UBR4: variants seen among roughly 807,000 people sequenced by gnomAD.
UBR4 encodes the protein ubiquitin protein ligase E3 component n-recognin 4.
UBR4 carries 124 observed loss-of-function variants against 575.6 expected under a neutral mutation model. The observed-to-expected ratio is 0.22, with a 90% CI of 0.19 to 0.25. The LOEUF is 0.25. Among genes scored for constraint, UBR4 ranks in the 10% least tolerant of loss-of-function variants. UBR4 has a pLI of 1.00. For missense variants in UBR4, 4,818 were observed against 6,478.8 expected (o/e 0.74, Z 8.80); for synonymous variants, 2,455 against 2,473.7 (o/e 0.99, Z 0.22).
intron 102 of UBR4, among the ~76,000 whole-genome samples, chr1:19,083,540 T>C (rs1303624908): frequency 6.6e-6 from 1 of 151,810 alleles, no homozygotes; most frequent in African/African-American, 2.4e-5. Flanking sequence ...AATCTCCTAA[T>C]TTTTTTTTCT....
intron 54 of UBR4, 130 bp downstream of exon 54, chr1:19,144,656 T>A (rs2084594245): frequency 7.6e-7 from 1 of 1,309,528 alleles, no homozygotes; most frequent in Admixed American, 2.5e-5. Context: ...AAGCTTTTAT[T>A]GATATTTGAA....
At chr1:19,091,805 C>T (rs1397309731) in intron 97 of UBR4, among the ~76,000 whole-genome samples, 1 of 152,182 alleles carries the variant, frequency 6.6e-6, no homozygotes, top group Non-Finnish European at 1.5e-5. Flanking sequence ...AGCAACTGCA[C>T]TCTTGGGCAT....
chr1:19,100,730 C>T lies in UBR4; in HGVS notation c.13024-157G>A, dbSNP rs202076572. Among the ~76,000 whole-genome samples, 6 of 151,944 alleles carry T rather than the reference C, an allele frequency of 3.9e-5. No individual in the cohort carries two copies. Among genetic ancestry groups the T allele is most frequent in the Non-Finnish European group, 8.8e-5 (6 of 68,002 alleles). Reference sequence around the variant, plus strand: ...AAGGACAGGAAACTCAGAGGTACTTCCAAAAATCTAAACAAACTCAAGTAG... The same window carrying T: ...AAGGACAGGAAACTCAGAGGTACTTTCAAAAATCTAAACAAACTCAAGTAG... On this transcript the variant is annotated intron_variant, in intron 88 of 105. Coordinates refer to ENST00000375254, the MANE Select transcript of UBR4 (RefSeq NM_020765.3). The surrounding 1 kb of genome is among the most constrained non-coding windows in gnomAD (Gnocchi z 4.2).
At chr1:19,145,073 A>C (rs917720384) in intron 53 of UBR4, among the ~76,000 whole-genome samples, 166 bp from the exon 54 acceptor site, 12 of 152,226 alleles carry the variant, frequency 7.9e-5, no homozygotes, top group Non-Finnish European at 1.6e-4. Context: ...TGTATTATTT[A>C]TGATTTGTTT....
chr1:19,169,559 T>C (rs1194717469), intron 26 of UBR4, 27 bp from the exon 27 acceptor site: 1 of 1,599,472 alleles, frequency 6.3e-7, no homozygotes, highest in Non-Finnish European at 8.5e-7. Flanking sequence ...GGACAAGGAA[T>C]CATCACAAGA....
rs1377790193 is a variant in UBR4, at chr1:19,093,515, G to A, written c.13938-29C>T. The A allele has an allele frequency of 2.5e-6, 4 of 1,608,882 alleles. No individual in the cohort carries two copies. Among genetic ancestry groups the A allele is most frequent in the Non-Finnish European group, 2.5e-6 (3 of 1,176,622 alleles). On this transcript the variant is annotated intron_variant, in intron 95 of 105. Coordinates refer to ENST00000375254, the MANE Select transcript of UBR4 (RefSeq NM_020765.3). This position sits in a 1 kb window ranked among gnomAD's most constrained non-coding sequence, Gnocchi z 4.8. ...GGAGGAAAGAGCAGAGTTTGAGGGT[G>A]TGAAAGGCGGGACAAAACCCAGTCA... is the stretch of plus-strand genomic sequence containing the variant.
chr1:19,175,994 T>G lies in UBR4; in HGVS notation c.2773+598A>C, dbSNP rs190444617. Among the ~76,000 whole-genome samples, 395 of 152,198 alleles carry G rather than the reference T, an allele frequency of 2.6e-3. 2 individuals are homozygous for G. The highest frequency in any genetic ancestry group is 8.8e-3 in the African/African-American group (366 of 41,524). On this transcript the variant is annotated intron_variant, in intron 20 of 105. Transcript: ENST00000375254. ...ATAATTTTTGGTAGACGGGATCTAC[T>G]CAGGCTGATCTCAAATTCCTGGGTT...
chr1:19,177,423 AG>A, intron 19 of UBR4, 37 bp downstream of exon 19: 1 of 1,601,294 alleles, frequency 6.2e-7, no homozygotes. Flanking sequence ...TAAAGTTCTC[AG>A]TAATGGTGAA....
intron 60 of UBR4, among the ~76,000 whole-genome samples, chr1:19,136,394 T>A (rs1003289143): frequency 6.6e-6 from 1 of 152,214 alleles, no homozygotes; most frequent in Non-Finnish European, 1.5e-5. Flanking sequence ...CTCATATTAT[T>A]CAGGAAGAAG....
chr1:19,191,191 TG>T (rs987167347), intron 11 of UBR4, among the ~76,000 whole-genome samples: 18 of 152,184 alleles, frequency 1.2e-4, no homozygotes, highest in African/African-American at 3.4e-4. Context: ...AGCCCTGGGC[TG>T]GGCGCAGTGG....
chr1:19,153,347 G>A lies in UBR4; in HGVS notation c.6786C>T (p.Val2262=), dbSNP rs1315079924. ...WLQPSLQPSS[V]ISIMKPVRKR... ...TTCGAACAGGCTTCATGATGCTGAT[G>A]ACACTGCTGGGCTGCAGGGATGGCT... Residue 2262 remains valine, a synonymous_variant, in exon 46 of 106, where the codon GTC becomes GTT. Transcript: ENST00000375254. This position sits in a 1 kb window ranked among gnomAD's most constrained non-coding sequence, Gnocchi z 4.1. 6.2e-7 allele frequency: 1 copy of A among 1,614,044 alleles called. No individual in the cohort carries two copies. Among genetic ancestry groups the A allele is most frequent in the South Asian group, 1.1e-5 (1 of 91,060 alleles).
chr1:19,149,352 G>T (rs1174271656), intron 49 of UBR4, among the ~76,000 whole-genome samples: 1 of 152,108 alleles, frequency 6.6e-6, no homozygotes, highest in African/African-American at 2.4e-5. Flanking sequence ...GAAAGAAAGG[G>T]GTTAAGGGGT....
rs753055816 is a variant in UBR4 at position 19,122,839 on chromosome 1, G to T, written c.9810C>A (p.Ile3270=). The T allele has an allele frequency of 2.5e-6, 4 of 1,614,088 alleles. No homozygotes were observed. The African/African-American group carries it at 5.3e-5, about 22-fold the overall frequency. The stretch of plus-strand genomic sequence containing the variant: ...CAGGTCCCAGCCCTCGTACCAGGCT[G>T]ATGAGTGTGTCATATTGCAAGGCGG... The part of the protein sequence containing the change: ...SGSALQYDTL[I]SLMEHLKACA... Residue 3270 remains isoleucine, a synonymous_variant, in exon 66 of 106, where the codon ATC becomes ATA. Coordinates refer to ENST00000375254, the MANE Select transcript of UBR4 (RefSeq NM_020765.3).
chr1:19,187,878 C>G (rs952509075), intron 11 of UBR4, among the ~76,000 whole-genome samples: 1 of 151,906 alleles, frequency 6.6e-6, no homozygotes, highest in Non-Finnish European at 1.5e-5. Context: ...AGCTTGGCAA[C>G]CTAGAGAGGG....
At chr1:19,188,982 A>G (rs1230481006) in intron 11 of UBR4, among the ~76,000 whole-genome samples, 1 of 152,174 alleles carries the variant, frequency 6.6e-6, no homozygotes, top group Non-Finnish European at 1.5e-5. Context: ...AAATAATAAT[A>G]AAAAAATTAA....
At chr1:19,107,733 C>T (rs1296556888) in intron 81 of UBR4, among the ~76,000 whole-genome samples, 7 of 151,260 alleles carry the variant, frequency 4.6e-5, no homozygotes, top group Non-Finnish European at 7.4e-5. Flanking sequence ...TGCAGTGAGC[C>T]GAGATCATAC....
intron 28 of UBR4, 117 bp from the exon 29 acceptor site, chr1:19,167,348 G>C: frequency 1.0e-6 from 1 of 998,670 alleles, no homozygotes; most frequent in African/African-American, 1.6e-5. Context: ...TTGCGCAAGG[G>C]CCTTTATTCC....
chr1:19,106,948 G>C lies in UBR4; in HGVS notation c.12124C>G (p.Leu4042Val). 1 of 1,612,280 alleles carries C rather than the reference G, an allele frequency of 6.2e-7. No homozygotes were observed. Residue 4042 changes from leucine (L) to valine (V), a missense_variant, in exon 82 of 106, where the codon CTC becomes GTC. Transcript: ENST00000375254. Reference protein sequence around the residue: ...KKNKDVPVEALTTVKPYCNEI... With the variant: ...KKNKDVPVEAVTTVKPYCNEI... ...TTGCAGTATGGCTTCACCGTGGTGA[G>C]GGCCTCAACGGGGACATCCTGGAGG...
At chr1:19,177,766 A>G in intron 18 of UBR4, 23 bp from the exon 19 acceptor site, 6 of 1,603,630 alleles carry the variant, frequency 3.7e-6, no homozygotes, top group Non-Finnish European at 4.3e-6. Context: ...AAAGATGACT[A>G]TATCTGGTGG....
Sources: allele counts gnomAD v4.1 joint callset (sites outside exome capture counted in the v4.1 genomes callset), GRCh38; gene constraint gnomAD v4.1.1; non-coding constraint Gnocchi (gnomAD v3.1); transcripts MANE v1.5; gene names NCBI Gene and HGNC (gene_info 2026-07-23, HGNC 2026-07-21).